The following CALN1 variants were observed in gnomAD, a reference collection of about 807,000 sequenced individuals.
CALN1 encodes the protein calneuron 1.
CALN1 carries 17 observed loss-of-function variants against 30.6 expected under a neutral mutation model. The observed-to-expected ratio is 0.56, with a 90% CI of 0.38 to 0.83. The LOEUF (loss-of-function observed/expected upper bound fraction) is 0.83. Among genes scored for constraint, CALN1 ranks in the 40% least tolerant of loss-of-function variants. The pLI, the probability that CALN1 is intolerant of heterozygous loss-of-function variation, is 0.00. For synonymous variants in CALN1, 156 were observed against 131.4 expected (o/e 1.19, Z -1.28); for missense variants, 291 against 354.9 (o/e 0.82, Z 1.45).
intron 4 of CALN1, among the ~76,000 whole-genome samples, chr7:72,096,481 T>A (rs1457993652): frequency 6.6e-6 from 1 of 151,004 alleles, no homozygotes; most frequent in Non-Finnish European, 1.5e-5. Context: ...ATGGACAGAT[T>A]GCTGCACAAT....
At chr7:71,802,987 G>A (rs541049661) in intron 6 of CALN1, among the ~76,000 whole-genome samples, 1 of 152,172 alleles carries the variant, frequency 6.6e-6, no homozygotes, top group African/African-American at 2.4e-5. Flanking sequence ...TCGCGCCACT[G>A]CACTCTAGCC....
intron 4 of CALN1, among the ~76,000 whole-genome samples, chr7:72,096,710 G>A (rs1285198378): frequency 1.3e-5 from 2 of 152,166 alleles, no homozygotes; most frequent in Non-Finnish European, 2.9e-5. Context: ...CACTGATGGT[G>A]GGACTGTAAA....
intron 3 of CALN1, among the ~76,000 whole-genome samples, chr7:72,132,639 G>A (rs1015302148): frequency 6.6e-6 from 1 of 152,116 alleles, no homozygotes; most frequent in African/African-American, 2.4e-5. Flanking sequence ...TACCAGGTGG[G>A]GGCCCAGAAA....
At chr7:72,147,898 T>C (rs895523353) in intron 3 of CALN1, among the ~76,000 whole-genome samples, 3 of 130,682 alleles carry the variant, frequency 2.3e-5, no homozygotes, top group Admixed American at 9.7e-5. Context: ...AATTGAACAT[T>C]GACAACACTT....
intron 5 of CALN1, among the ~76,000 whole-genome samples, chr7:71,909,497 T>C (rs923762539): frequency 1.3e-5 from 2 of 152,026 alleles, no homozygotes; most frequent in African/African-American, 4.8e-5. Context: ...TGGATTCCAA[T>C]GGATTGGAAG....
chr7:72,479,545 T>C, the CALN1 span, among the ~76,000 whole-genome samples: 1 of 144,854 alleles, frequency 6.9e-6, no homozygotes, highest in Non-Finnish European at 1.5e-5. Flanking sequence ...TCAGTTGTTA[T>C]AGCACAATTT....
chr7:72,099,452 T>C (rs1459977762), intron 4 of CALN1, among the ~76,000 whole-genome samples: 2 of 151,660 alleles, frequency 1.3e-5, no homozygotes, highest in East Asian at 3.9e-4. Flanking sequence ...AGGATATAAT[T>C]AGAATCTTTT....
In CALN1 at chr7:71,927,515, T is replaced by C. The variant is rs1357509985; in HGVS notation, c.501+96142A>G. Among the ~76,000 whole-genome samples the C allele has an allele frequency of 2.0e-5, 3 of 152,310 alleles. No individual in the cohort carries two copies. In the East Asian group the frequency reaches 5.8e-4, roughly 29 times the overall value. The stretch of plus-strand genomic sequence containing the variant: ...ATGAGCCACTGTGCCCAGCCTCAAA[T>C]GTTTTTAATGTAATCTAGTTCTTTG... On this transcript the variant is annotated intron_variant, in intron 5 of 6. Coordinates refer to ENST00000395275, the MANE Select transcript of CALN1 (RefSeq NM_031468.4).
In CALN1 at chr7:72,076,546, C is replaced by T. The variant is rs138899124; in HGVS notation, c.388+29605G>A. Among the ~76,000 whole-genome samples, 315 of 131,212 alleles carry T rather than the reference C, an allele frequency of 2.4e-3. 1 individual carries two copies. The highest frequency in any genetic ancestry group is 8.7e-3 in the African/African-American group (302 of 34,810). 86.1% of individuals were successfully genotyped at this position (131,212 alleles called of 152,430 possible). ...CCGAGAGGCGGAGGTTACAGTCAGC[C>T]GAGATCACGCCACTGCACTCTGGCC... is the stretch of plus-strand genomic sequence containing the variant. On this transcript the variant is annotated intron_variant, in intron 4 of 6. Coordinates refer to ENST00000395275, the MANE Select transcript of CALN1 (RefSeq NM_031468.4).
At chr7:71,947,673 G>C (rs1286988137) in intron 5 of CALN1, among the ~76,000 whole-genome samples, 1 of 152,084 alleles carries the variant, frequency 6.6e-6, no homozygotes, top group Non-Finnish European at 1.5e-5. Context: ...GGGCATGGAG[G>C]CTCACACCTG....
intron 5 of CALN1, among the ~76,000 whole-genome samples, chr7:71,974,620 T>C (rs1798012550): frequency 6.6e-6 from 1 of 152,052 alleles, no homozygotes; most frequent in African/African-American, 2.4e-5. Flanking sequence ...TAGACTATAG[T>C]GACAATCTGT....
intron 2 of CALN1, among the ~76,000 whole-genome samples, chr7:72,316,701 C>G (rs1800470107): frequency 6.6e-6 from 1 of 151,850 alleles, no homozygotes; most frequent in Non-Finnish European, 1.5e-5. Flanking sequence ...TTTGGGAGGC[C>G]GAGGTGGGAG....
chr7:71,950,853 G>C (rs1407873706), intron 5 of CALN1, among the ~76,000 whole-genome samples: 1 of 152,118 alleles, frequency 6.6e-6, no homozygotes, highest in Non-Finnish European at 1.5e-5. Flanking sequence ...TTAGGACTTT[G>C]TATCTACTGT....
intron 3 of CALN1, among the ~76,000 whole-genome samples, chr7:72,275,191 G>A (rs914429571): frequency 1.3e-5 from 2 of 152,082 alleles, no homozygotes; most frequent in African/African-American, 4.8e-5. Flanking sequence ...AAGGCAGCCA[G>A]ACCACAAAGG....
chr7:71,947,497 C>G (rs1183067479), intron 5 of CALN1, among the ~76,000 whole-genome samples: 1 of 152,176 alleles, frequency 6.6e-6, no homozygotes, highest in Non-Finnish European at 1.5e-5. Context: ...TAGACACACC[C>G]TTTTCCTATG....
upstream of CALN1, among the ~76,000 whole-genome samples, chr7:72,449,797 C>T (rs969480417): frequency 2.9e-5 from 4 of 140,166 alleles, no homozygotes; most frequent in Non-Finnish European, 4.5e-5. Context: ...ATGGCGTGAA[C>T]CTGGGAGATG....
At chr7:72,457,677 T>A in the CALN1 span, among the ~76,000 whole-genome samples, 1 of 151,946 alleles carries the variant, frequency 6.6e-6, no homozygotes, top group Non-Finnish European at 1.5e-5. Context: ...GCATAGCTAT[T>A]CATCCCTCCA....
chr7:71,936,489 T>C (rs1178396962), intron 5 of CALN1, among the ~76,000 whole-genome samples: 1 of 151,726 alleles, frequency 6.6e-6, no homozygotes, highest in Non-Finnish European at 1.5e-5. Flanking sequence ...CTGATGATAC[T>C]GGAACCATCT....
chr7:72,281,369 T>G (rs1052045122), intron 2 of CALN1, among the ~76,000 whole-genome samples: 2 of 152,160 alleles, frequency 1.3e-5, no homozygotes, highest in Non-Finnish European at 2.9e-5. Flanking sequence ...CAAAACAGAC[T>G]GAGACATCCA....
Sources: allele counts gnomAD v4.1 joint callset (sites outside exome capture counted in the v4.1 genomes callset), GRCh38; gene constraint gnomAD v4.1.1; transcripts MANE v1.5; gene names NCBI Gene and HGNC (gene_info 2026-07-23, HGNC 2026-07-21).